Variants in UNC5D observed in about 807,000 individuals in gnomAD.
UNC5D encodes the protein unc-5 netrin receptor D.
In UNC5D, 39 loss-of-function variants were observed where a neutral mutation model predicts 105.4. The observed-to-expected ratio is 0.37, with a 90% confidence interval of 0.29 to 0.48. The LOEUF (loss-of-function observed/expected upper bound fraction) is 0.48. UNC5D is among the 20% of genes least tolerant of loss of function. UNC5D has a pLI of 0.98. For missense variants in UNC5D, 991 were observed against 1,202.4 expected (o/e 0.82, Z 2.60); for synonymous variants, 452 against 450.4 (o/e 1.00, Z -0.04).
At chr8:35,388,370 A>T (rs1357879154) in intron 1 of UNC5D, among the ~76,000 whole-genome samples, 1 of 152,020 alleles carries the variant, frequency 6.6e-6, no homozygotes, top group East Asian at 1.9e-4. Flanking sequence ...TCTCGAAAAA[A>T]ACCCAAAAAA....
At chr8:35,321,125 A>G (rs1563310952) in intron 1 of UNC5D, among the ~76,000 whole-genome samples, 1 of 152,108 alleles carries the variant, frequency 6.6e-6, no homozygotes, top group Non-Finnish European at 1.5e-5. Flanking sequence ...GGTTGATAGG[A>G]CTTTATAACC....
intron 1 of UNC5D, among the ~76,000 whole-genome samples, chr8:35,244,400 C>T (rs780715453): frequency 1.3e-5 from 2 of 152,070 alleles, no homozygotes; most frequent in Non-Finnish European, 2.9e-5. Context: ...GTATAAGCAT[C>T]GGAGACAGAA....
chr8:35,264,627 G>T (rs1804716219), intron 1 of UNC5D, among the ~76,000 whole-genome samples: 1 of 151,662 alleles, frequency 6.6e-6, no homozygotes, highest in African/African-American at 2.4e-5. Context: ...CTACTTGGGA[G>T]ACTGAGACAG....
chr8:35,345,408 G>C (rs1445722384), intron 1 of UNC5D, among the ~76,000 whole-genome samples: 1 of 151,950 alleles, frequency 6.6e-6, no homozygotes, highest in East Asian at 1.9e-4. Flanking sequence ...GTATCCTACT[G>C]TGTGGTTTGG....
intron 4 of UNC5D, among the ~76,000 whole-genome samples, chr8:35,670,812 C>T (rs895331096): frequency 1.4e-4 from 22 of 152,012 alleles, no homozygotes; most frequent in African/African-American, 5.3e-4. Context: ...ATCACCATGG[C>T]ACATGTATAC....
chr8:35,783,678 G>C lies in UNC5D; in HGVS notation c.2658-6681G>C, dbSNP rs557787649. Reference sequence around the variant, plus strand: ...ACTGATGGAGGATTTAGATGTGCTAGTCCCTAAAATATTTGCATTTGAATA... The same window carrying C: ...ACTGATGGAGGATTTAGATGTGCTACTCCCTAAAATATTTGCATTTGAATA... On this transcript the variant is annotated intron_variant, in intron 16 of 16. Coordinates refer to ENST00000404895, the MANE Select transcript of UNC5D (RefSeq NM_080872.4). Among the ~76,000 whole-genome samples, 19 of 152,280 alleles carry C rather than the reference G, an allele frequency of 1.2e-4. No homozygotes were observed. In the South Asian group the frequency reaches 3.7e-3, roughly 30 times the overall value.
chr8:35,296,114 A>C (rs931181342), intron 1 of UNC5D, among the ~76,000 whole-genome samples: 1 of 152,224 alleles, frequency 6.6e-6, no homozygotes, highest in Non-Finnish European at 1.5e-5. Flanking sequence ...CATGAATGCT[A>C]CAGCGATCAT....
At chr8:35,761,407 A>C (rs894775227) in intron 14 of UNC5D, among the ~76,000 whole-genome samples, 3 of 152,150 alleles carry the variant, frequency 2.0e-5, no homozygotes, top group African/African-American at 7.2e-5. Context: ...GATACCAAAG[A>C]AAGCCCCAGG....
intron 8 of UNC5D, among the ~76,000 whole-genome samples, chr8:35,720,311 G>A (rs890065716): frequency 6.6e-6 from 1 of 152,212 alleles, no homozygotes; most frequent in Admixed American, 6.5e-5. Context: ...CAACAAAGGA[G>A]CTGCATTCTG....
chr8:35,692,095 T>A (rs1449907722), intron 7 of UNC5D, among the ~76,000 whole-genome samples: 2 of 152,190 alleles, frequency 1.3e-5, no homozygotes, highest in African/African-American at 4.8e-5. Context: ...CATTGACAGT[T>A]CAAAAACTGA....
intron 1 of UNC5D, among the ~76,000 whole-genome samples, chr8:35,464,251 T>C (rs1325377416): frequency 6.6e-6 from 1 of 152,008 alleles, no homozygotes; most frequent in Non-Finnish European, 1.5e-5. Context: ...AGCTTGAACC[T>C]GGGAGGCGGA....
chr8:35,785,031 A>G (rs1038009399), intron 16 of UNC5D, among the ~76,000 whole-genome samples: 2 of 152,022 alleles, frequency 1.3e-5, no homozygotes, highest in African/African-American at 2.4e-5. Context: ...CAGGATTACT[A>G]TTTTTGCTAA....
chr8:35,388,795 T>C lies in UNC5D; in HGVS notation c.103+152908T>C, dbSNP rs144178983. 8.0e-3 allele frequency among the ~76,000 whole-genome samples: 1,213 copies of C among 152,364 alleles called. 9 individuals carry two copies. The highest frequency in any genetic ancestry group is 0.014 in the Non-Finnish European group (956 of 68,030). On this transcript the variant is annotated intron_variant, in intron 1 of 16. Coordinates refer to ENST00000404895, the MANE Select transcript of UNC5D (RefSeq NM_080872.4). The stretch of plus-strand genomic sequence containing the variant: ...TAAATAGTTGTTATCTTTGGCTTAT[T>C]TGTCTGATTATTGAATTAAGAAGGA...
At chr8:35,652,915 ATTTTTTTTTTTTTTTT>A (rs34611902) in intron 4 of UNC5D, among the ~76,000 whole-genome samples, 1 of 49,144 alleles carries the variant, frequency 2.0e-5, no homozygotes, top group African/African-American at 9.3e-5. Context: ...ACAAGTGAGG[ATTTTTTTTTTTTTTTT>A]TTTTTTTTTT....
chr8:35,344,902 T>C (rs1811696326), intron 1 of UNC5D, among the ~76,000 whole-genome samples: 1 of 151,998 alleles, frequency 6.6e-6, no homozygotes, highest in African/African-American at 2.4e-5. Flanking sequence ...GTCATAATAG[T>C]GTTTAATACC....
intron 1 of UNC5D, among the ~76,000 whole-genome samples, chr8:35,244,037 TTAAG>T (rs1802946972): frequency 6.6e-6 from 1 of 152,202 alleles, no homozygotes; most frequent in African/African-American, 2.4e-5. Flanking sequence ...AGAAAGATGA[TTAAG>T]TGACATCTAT....
intron 1 of UNC5D, among the ~76,000 whole-genome samples, chr8:35,248,359 AAG>A (rs1803348013): frequency 2.8e-5 from 3 of 105,794 alleles, no homozygotes; most frequent in African/African-American, 8.0e-5. Flanking sequence ...TATGTTATAT[AAG>A]AAATAGATAT....
intron 4 of UNC5D, among the ~76,000 whole-genome samples, chr8:35,608,404 A>G (rs569156644): frequency 5.1e-4 from 78 of 152,346 alleles, no homozygotes; most frequent in African/African-American, 1.7e-3. Context: ...TTGATGCCTT[A>G]GCAAACATTT....
intron 1 of UNC5D, among the ~76,000 whole-genome samples, chr8:35,247,522 CTA>C (rs1165778755): frequency 1.4e-4 from 17 of 118,568 alleles, no homozygotes; most frequent in African/African-American, 3.9e-4. Context: ...CTCTCTCTCT[CTA>C]TATATATATA....
Sources: allele counts gnomAD v4.1 joint callset (sites outside exome capture counted in the v4.1 genomes callset), GRCh38; gene constraint gnomAD v4.1.1; transcripts MANE v1.5; gene names NCBI Gene and HGNC (gene_info 2026-07-23, HGNC 2026-07-21).